The following FABP7 variants were observed in gnomAD, a reference collection of about 807,000 sequenced individuals.
FABP7 encodes the protein fatty acid-binding protein, brain.
FABP7 carries 13 observed loss-of-function variants against 14.2 expected under a neutral mutation model. That is an observed-to-expected ratio of 0.91 (90% confidence interval 0.59 to 1.45). The LOEUF is 1.45. Ranked by LOEUF, FABP7 falls within the 40% of genes most tolerant of loss-of-function variation. FABP7 has a pLI of 0.00. For missense variants in FABP7, 149 were observed against 157.6 expected, an observed-to-expected ratio of 0.95 and a Z score of 0.29; for synonymous variants, 49 against 51.4, an observed-to-expected ratio of 0.95 and a Z score of 0.20.
chr6:122,758,970 C>T, the FABP7 span, among the ~76,000 whole-genome samples: 4 of 152,150 alleles, frequency 2.6e-5, no homozygotes, highest in Non-Finnish European at 5.9e-5. Context: ...AATGGTAGAG[C>T]TACACAATGC....
At chr6:122,762,003 C>T in the FABP7 span, among the ~76,000 whole-genome samples, 6 of 147,822 alleles carry the variant, frequency 4.1e-5, no homozygotes, top group Non-Finnish European at 8.8e-5. Flanking sequence ...CTATTCCAAT[C>T]AATAGAAAAA....
At chr6:122,749,436 G>T in the FABP7 span, among the ~76,000 whole-genome samples, 3 of 152,132 alleles carry the variant, frequency 2.0e-5, no homozygotes, top group African/African-American at 7.2e-5. Flanking sequence ...ATTAAGTGAT[G>T]ATTAATAGTC....
rs1274979176 is a variant in FABP7 at position 122,780,371 on chromosome 6, A to C, written c.154A>C (p.Ile52Leu). The change falls in exon 2 of 4, where the codon ATC becomes CTC. Residue 52 changes from isoleucine (I) to leucine (L), a missense_variant. Physicochemically the swap from Ile to Leu is conservative, Grantham distance 5 (BLOSUM62 2). Transcript: ENST00000368444. ...CAGTCAAGAAGGAGACAAAGTGGTC[A>C]TCAGGACTCTCAGCACATTCAAGAA... Reference protein sequence around the residue: ...IISQEGDKVVIRTLSTFKNTE... With the variant: ...IISQEGDKVVLRTLSTFKNTE... 1.9e-6 allele frequency: 3 copies of C among 1,614,212 alleles called. No individual in the cohort carries two copies. The highest frequency in any genetic ancestry group is 2.5e-6 in the Non-Finnish European group (3 of 1,180,040).
chr6:122,750,928 T>C, the FABP7 span, among the ~76,000 whole-genome samples: 3 of 152,218 alleles, frequency 2.0e-5, no homozygotes, highest in South Asian at 6.2e-4. Flanking sequence ...TGACTTTTTC[T>C]GTGTTTTCAT....
the FABP7 span, among the ~76,000 whole-genome samples, chr6:122,759,594 C>T: frequency 6.6e-6 from 1 of 152,050 alleles, no homozygotes; most frequent in African/African-American, 2.4e-5. Flanking sequence ...CTCATTTAGT[C>T]CTTACAACTA....
At chr6:122,758,124 T>TTTA in the FABP7 span, among the ~76,000 whole-genome samples, 4 of 146,634 alleles carry the variant, frequency 2.7e-5, no homozygotes, top group Non-Finnish European at 4.5e-5. Flanking sequence ...TTTTTTTTTT[T>TTTA]AATTAACAGA....
At chr6:122,753,352 G>A in the FABP7 span, among the ~76,000 whole-genome samples, 1 of 152,172 alleles carries the variant, frequency 6.6e-6, no homozygotes, top group African/African-American at 2.4e-5. Flanking sequence ...GCTGCCTCTT[G>A]TTTCTTTCTT....
chr6:122,756,362 A>G, the FABP7 span, among the ~76,000 whole-genome samples: 1 of 152,204 alleles, frequency 6.6e-6, no homozygotes, highest in Admixed American at 6.5e-5. Flanking sequence ...ATTTTCCTTA[A>G]CTGCTGAAAT....
At chr6:122,778,231 G>A (rs1780707409), upstream of FABP7, among the ~76,000 whole-genome samples, 1 of 152,128 alleles carries the variant, frequency 6.6e-6, no homozygotes, top group Non-Finnish European at 1.5e-5. Context: ...AAAAGAGATA[G>A]GCCTTGACAT....
the FABP7 span, among the ~76,000 whole-genome samples, chr6:122,751,428 G>A: frequency 1.3e-5 from 2 of 152,192 alleles, no homozygotes; most frequent in East Asian, 3.8e-4. Context: ...GGTGCATCTT[G>A]TCCTCAATTT....
At chr6:122,780,525 C>T in intron 2 of FABP7, 62 bp downstream of exon 2, 1 of 1,496,422 alleles carries the variant, frequency 6.7e-7, no homozygotes, top group South Asian at 1.2e-5. Flanking sequence ...TAAAGATTTC[C>T]AATGCATGTT....
At chr6:122,752,456 A>G in the FABP7 span, among the ~76,000 whole-genome samples, 1 of 152,224 alleles carries the variant, frequency 6.6e-6, no homozygotes, top group South Asian at 2.1e-4. Context: ...AGAATTGTCA[A>G]CATTTTATAT....
chr6:122,772,871 C>T, the FABP7 span, among the ~76,000 whole-genome samples: 1 of 152,178 alleles, frequency 6.6e-6, no homozygotes, highest in Admixed American at 6.5e-5. Context: ...TTGGAATCCT[C>T]ATCCTTCCTG....
the FABP7 span, among the ~76,000 whole-genome samples, chr6:122,770,810 T>G: frequency 6.6e-6 from 1 of 152,146 alleles, no homozygotes; most frequent in Non-Finnish European, 1.5e-5. Flanking sequence ...ACAAACACAT[T>G]TAAAAAATGT....
At chr6:122,772,697 G>A in the FABP7 span, among the ~76,000 whole-genome samples, 1 of 152,164 alleles carries the variant, frequency 6.6e-6, no homozygotes, top group African/African-American at 2.4e-5. Context: ...GGGATTACGG[G>A]CATGAGCCAC....
At chr6:122,770,704 C>T in the FABP7 span, among the ~76,000 whole-genome samples, 1 of 152,072 alleles carries the variant, frequency 6.6e-6, no homozygotes, top group East Asian at 1.9e-4. Flanking sequence ...TAAATCTTCC[C>T]AGATGATTCT....
the FABP7 span, among the ~76,000 whole-genome samples, chr6:122,765,617 G>A: frequency 6.6e-6 from 1 of 151,684 alleles, no homozygotes; most frequent in Non-Finnish European, 1.5e-5. Flanking sequence ...TCAAACAATG[G>A]CATTCTATTC....
At chr6:122,781,992 G>A (rs1468176273) in intron 3 of FABP7, 11 of 868,680 alleles carry the variant, frequency 1.3e-5, no homozygotes, top group Admixed American at 6.2e-5. Flanking sequence ...TGATGCTCCC[G>A]CCTGCTGCCT....
intron 3 of FABP7, chr6:122,781,834 T>C (rs1780796046): frequency 1.9e-6 from 1 of 518,966 alleles, no homozygotes; most frequent in Non-Finnish European, 2.5e-6. Context: ...CTCTGCTTCA[T>C]GGGCTCAAGC....
Sources: allele counts gnomAD v4.1 joint callset (sites outside exome capture counted in the v4.1 genomes callset), GRCh38; gene constraint gnomAD v4.1.1; transcripts MANE v1.5; gene names NCBI Gene and HGNC (gene_info 2026-07-23, HGNC 2026-07-21).